NALF1: variants seen among roughly 807,000 people sequenced by gnomAD.
The protein encoded by NALF1 is family with sequence similarity 155 member A.
A neutral mutation model predicts 48.4 loss-of-function variants in NALF1; 3 were observed. The observed-to-expected ratio is 0.06, with a 90% CI of 0.03 to 0.16. The LOEUF (loss-of-function observed/expected upper bound fraction) is 0.16, where lower values mean the gene tolerates loss of function less well. Among genes scored for constraint, NALF1 ranks in the 10% least tolerant of loss-of-function variants. The pLI, the probability that NALF1 is intolerant of heterozygous loss-of-function variation, is 1.00. For synonymous variants in NALF1, 262 were observed against 245.7 expected, an observed-to-expected ratio of 1.07 and a Z score of -0.62; for missense variants, 526 against 571.5, an observed-to-expected ratio of 0.92 and a Z score of 0.81.
intron 1 of NALF1, among the ~76,000 whole-genome samples, chr13:107,568,573 TATGA>T (rs1160948688): frequency 2.0e-5 from 3 of 152,354 alleles, no homozygotes; most frequent in Middle Eastern, 3.4e-3. Context: ...ACTAGCACTA[TATGA>T]GAGATCCATT....
chr13:107,354,741 G>T (rs953703181), intron 1 of NALF1, among the ~76,000 whole-genome samples: 1 of 152,132 alleles, frequency 6.6e-6, no homozygotes, highest in African/African-American at 2.4e-5. Flanking sequence ...TGTTTCTGTA[G>T]TCCCTTCCTA....
At chr13:107,451,141 C>A (rs973195639) in intron 1 of NALF1, among the ~76,000 whole-genome samples, 1 of 152,176 alleles carries the variant, frequency 6.6e-6, no homozygotes, top group Non-Finnish European at 1.5e-5. Context: ...GGTCAGAGCT[C>A]TGTGGCAGGA....
At chr13:107,325,966 A>G (rs1882356227) in intron 1 of NALF1, among the ~76,000 whole-genome samples, 1 of 147,266 alleles carries the variant, frequency 6.8e-6, no homozygotes, top group Non-Finnish European at 1.5e-5. Context: ...ATACACACAT[A>G]TATACAACAC....
At chr13:107,792,459 T>C (rs1001239699) in intron 1 of NALF1, among the ~76,000 whole-genome samples, 3 of 152,134 alleles carry the variant, frequency 2.0e-5, no homozygotes, top group Admixed American at 6.6e-5. Context: ...CACAAATTTG[T>C]ACAAATTTAT....
At chr13:107,677,021 T>C (rs1237177650) in intron 1 of NALF1, among the ~76,000 whole-genome samples, 1 of 147,008 alleles carries the variant, frequency 6.8e-6, no homozygotes. Flanking sequence ...TATGACCAGA[T>C]AGAATAAATA....
At chr13:107,688,603 G>A (rs1450348594) in intron 1 of NALF1, among the ~76,000 whole-genome samples, 2 of 152,172 alleles carry the variant, frequency 1.3e-5, no homozygotes, top group African/African-American at 4.8e-5. Flanking sequence ...AAATTCTAAA[G>A]CAGTTTTCCA....
chr13:107,679,888 A>C lies in NALF1; in HGVS notation c.915+185794T>G, dbSNP rs563341623. Among the ~76,000 whole-genome samples the C allele has an allele frequency of 2.0e-5, 3 of 152,320 alleles. No homozygotes were observed. The East Asian group carries it at 5.8e-4, about 29-fold the overall frequency. The stretch of plus-strand genomic sequence containing the variant: ...AAGCTCTGCACCTGGGTGTATTTGA[A>C]TCCACTGACTCCATGCAGCTGTTTC... On this transcript the variant is annotated intron_variant, in intron 1 of 2. Transcript: ENST00000375915.
chr13:107,386,641 T>G (rs9520423), intron 1 of NALF1, among the ~76,000 whole-genome samples: 9,294 of 152,260 alleles, frequency 0.061, 381 homozygotes, highest in Non-Finnish European at 0.095. Context: ...ACCAGGGAGA[T>G]GGCCTGGTGA....
intron 1 of NALF1, among the ~76,000 whole-genome samples, chr13:107,374,059 T>C (rs1050556847): frequency 6.6e-6 from 1 of 152,262 alleles, no homozygotes; most frequent in African/African-American, 2.4e-5. Context: ...TATTCACTTC[T>C]CTGAATTTTC....
At chr13:107,583,497 T>C (rs1031977418) in intron 1 of NALF1, among the ~76,000 whole-genome samples, 26 of 152,178 alleles carry the variant, frequency 1.7e-4, no homozygotes, top group Non-Finnish European at 2.6e-4. Flanking sequence ...TGATATAATG[T>C]AGCAGGAGTG....
At chr13:107,454,009 C>T (rs1476406234) in intron 1 of NALF1, among the ~76,000 whole-genome samples, 1 of 152,196 alleles carries the variant, frequency 6.6e-6, no homozygotes, top group Non-Finnish European at 1.5e-5. Context: ...CTAACAAGTT[C>T]CTTACCTCCA....
chr13:107,424,281 G>C (rs1259476095), intron 1 of NALF1, among the ~76,000 whole-genome samples: 2 of 152,038 alleles, frequency 1.3e-5, no homozygotes. Flanking sequence ...GGGACTATAG[G>C]TGCACACCAC....
chr13:107,494,119 G>A (rs915979439), intron 1 of NALF1, among the ~76,000 whole-genome samples: 1 of 139,304 alleles, frequency 7.2e-6, no homozygotes, highest in Non-Finnish European at 1.5e-5. Context: ...TAGAACTACT[G>A]ATAAAAACAG....
intron 1 of NALF1, among the ~76,000 whole-genome samples, chr13:107,720,843 A>C (rs1194591201): frequency 1.3e-5 from 2 of 152,172 alleles, no homozygotes; most frequent in Non-Finnish European, 1.5e-5. Flanking sequence ...AGGTTGAAAC[A>C]CATCTGTTTA....
At chr13:107,787,020 C>A (rs779722750) in intron 1 of NALF1, among the ~76,000 whole-genome samples, 1 of 152,098 alleles carries the variant, frequency 6.6e-6, no homozygotes, top group Non-Finnish European at 1.5e-5. Context: ...GGTAGATATA[C>A]CTGAGAATGT....
chr13:107,515,915 T>C (rs1054159463), intron 1 of NALF1, among the ~76,000 whole-genome samples: 1 of 152,164 alleles, frequency 6.6e-6, no homozygotes, highest in Non-Finnish European at 1.5e-5. Flanking sequence ...GCATTGACTA[T>C]GTCATGAAAG....
At chr13:107,818,139 A>G (rs9520592) in intron 1 of NALF1, among the ~76,000 whole-genome samples, 46,141 of 152,026 alleles carry the variant, frequency 0.3, 7,504 homozygotes, top group Non-Finnish European at 0.36. Context: ...AGGGACATCA[A>G]CAAGCATTTT....
intron 1 of NALF1, among the ~76,000 whole-genome samples, chr13:107,617,801 A>G (rs1879419564): frequency 6.6e-6 from 1 of 152,182 alleles, no homozygotes; most frequent in African/African-American, 2.4e-5. Flanking sequence ...CAGCATTTCT[A>G]CAGGCACACA....
intron 1 of NALF1, among the ~76,000 whole-genome samples, chr13:107,834,456 A>G (rs1030975830): frequency 3.9e-5 from 6 of 152,238 alleles, no homozygotes; most frequent in Non-Finnish European, 8.8e-5. Flanking sequence ...TGAATGAATC[A>G]TGCCTTTATT....
Sources: gnomAD v4.1 joint callset for allele counts (sites outside exome capture counted in the v4.1 genomes callset) on GRCh38, gnomAD v4.1.1 for gene constraint, MANE v1.5 for transcripts, NCBI Gene and HGNC (gene_info 2026-07-23, HGNC 2026-07-21) for gene names.